ANO4: variants seen among roughly 807,000 people sequenced by gnomAD.
ANO4 encodes anoctamin-4.
ANO4 carries 69 observed loss-of-function variants against 141.9 expected under a neutral mutation model. The observed-to-expected ratio is 0.49, with a 90% CI of 0.40 to 0.59. The LOEUF is 0.59. Ranked by LOEUF, ANO4 falls within the 20% of genes least tolerant of loss-of-function variation. The pLI is 0.00. For synonymous variants in ANO4, 350 were observed against 394.3 expected (o/e 0.89, Z 1.33); for missense variants, 894 against 1,162.2 (o/e 0.77, Z 3.36).
chr12:101,058,790 C>G (rs985829734), intron 14 of ANO4, among the ~76,000 whole-genome samples: 3 of 152,116 alleles, frequency 2.0e-5, no homozygotes, highest in African/African-American at 7.2e-5. Context: ...TATAAATATA[C>G]AGTCATGTCA....
In ANO4 at chr12:101,016,232, T is replaced by C. The variant is rs567888868; in HGVS notation, c.735-3802T>C. Reference sequence around the variant, plus strand: ...GTTATATAAACCTGTACAGGAAGCATGGCACCAGAATCTGCTCCTGGTGAG... The same window carrying C: ...GTTATATAAACCTGTACAGGAAGCACGGCACCAGAATCTGCTCCTGGTGAG... On this transcript the variant is annotated intron_variant, in intron 8 of 27. Transcript: ENST00000392977. Among the ~76,000 whole-genome samples the C allele has an allele frequency of 1.4e-3, 206 of 152,180 alleles. 1 individual carries two copies. Among genetic ancestry groups the C allele is most frequent in the Non-Finnish European group, 2.7e-3 (184 of 68,010 alleles).
chr12:101,048,035 T>C, intron 13 of ANO4: 2 of 1,133,342 alleles, frequency 1.8e-6, no homozygotes, highest in Non-Finnish European at 2.2e-6. Flanking sequence ...TACACATATG[T>C]ACGTGTATAA....
chr12:100,751,599 C>T (rs1165123309), intron 3 of ANO4, among the ~76,000 whole-genome samples: 2 of 151,972 alleles, frequency 1.3e-5, no homozygotes, highest in Non-Finnish European at 2.9e-5. Flanking sequence ...TTTCCTTGTC[C>T]CAGGTCGTGT....
At chr12:101,017,856 GTGTGTGTA>G (rs1461008325) in intron 8 of ANO4, among the ~76,000 whole-genome samples, 4 of 152,214 alleles carry the variant, frequency 2.6e-5, no homozygotes, top group Non-Finnish European at 4.4e-5. Flanking sequence ...CACATGCCCT[GTGTGTGTA>G]TTCCTCTACA....
intron 3 of ANO4, among the ~76,000 whole-genome samples, chr12:100,785,776 C>T (rs61944807): frequency 6.6e-6 from 1 of 152,154 alleles, no homozygotes; most frequent in Non-Finnish European, 1.5e-5. Flanking sequence ...AGTATGATTG[C>T]TGGATCGTAA....
At chr12:100,817,501 A>G (rs2035802094) in intron 1 of ANO4, among the ~76,000 whole-genome samples, 1 of 151,920 alleles carries the variant, frequency 6.6e-6, no homozygotes, top group Non-Finnish European at 1.5e-5. Flanking sequence ...CCATTTATCT[A>G]AAAAAATAAT....
intron 1 of ANO4, among the ~76,000 whole-genome samples, chr12:100,870,802 C>T (rs147640996): frequency 0.012 from 1,811 of 152,220 alleles, 24 homozygotes; most frequent in African/African-American, 0.032. Flanking sequence ...TTTGAAGTCA[C>T]ATTAGAGTTC....
chr12:100,932,541 T>C lies in ANO4; in HGVS notation c.161-6774T>C, dbSNP rs917999290. Among the ~76,000 whole-genome samples, 11 of 152,216 alleles carry C rather than the reference T, an allele frequency of 7.2e-5. No individual in the cohort carries two copies. In the East Asian group the frequency reaches 2.1e-3, roughly 29 times the overall value. ...TCCATTTATTTGAGTCCTTGAAATATATTTGTGATCTCTTATCCATAGGGT... is the reference window on the plus strand; with the variant it reads ...TCCATTTATTTGAGTCCTTGAAATACATTTGTGATCTCTTATCCATAGGGT... On this transcript the variant is annotated intron_variant, in intron 3 of 27. Coordinates refer to ENST00000392977, the MANE Select transcript of ANO4 (RefSeq NM_001286615.2).
chr12:101,062,793 C>A (rs1175901171), intron 14 of ANO4, among the ~76,000 whole-genome samples: 2 of 152,234 alleles, frequency 1.3e-5, no homozygotes, highest in African/African-American at 4.8e-5. Flanking sequence ...GCAAGAATTT[C>A]AAGCCTGTGG....
chr12:101,095,246 A>G lies in ANO4; in HGVS notation c.1738+954A>G, dbSNP rs2049934614. 2.6e-5 allele frequency among the ~76,000 whole-genome samples: 4 copies of G among 151,988 alleles called. No homozygotes were observed. In the South Asian group the frequency reaches 8.3e-4, roughly 32 times the overall value. Reference sequence around the variant, plus strand: ...CTAGGCACTTTACCTTATCTCTTTTAATGTCATTGAAATCTTCCATCACCA... The same window carrying G: ...CTAGGCACTTTACCTTATCTCTTTTGATGTCATTGAAATCTTCCATCACCA... On this transcript the variant is annotated intron_variant, in intron 18 of 27. Transcript: ENST00000392977.
At chr12:101,099,848 A>C in intron 22 of ANO4, 128 bp downstream of exon 22, 1 of 688,028 alleles carries the variant, frequency 1.5e-6, no homozygotes, top group Non-Finnish European at 2.2e-6. Context: ...ACAGAGAGGA[A>C]GGCATGTCCT....
chr12:100,868,238 G>T (rs1179931623), intron 1 of ANO4, among the ~76,000 whole-genome samples: 1 of 152,178 alleles, frequency 6.6e-6, no homozygotes, highest in Non-Finnish European at 1.5e-5. Context: ...AGGCAGCATT[G>T]TTGGGTCCCT....
intron 9 of ANO4, among the ~76,000 whole-genome samples, chr12:101,029,235 A>C (rs1403188580): frequency 6.6e-6 from 1 of 152,168 alleles, no homozygotes; most frequent in Non-Finnish European, 1.5e-5. Flanking sequence ...ATACACCAAA[A>C]TATAAAGACC....
intron 22 of ANO4, among the ~76,000 whole-genome samples, chr12:101,104,293 CA>C (rs1286652240): frequency 1.3e-5 from 2 of 151,384 alleles, no homozygotes; most frequent in African/African-American, 4.9e-5. Context: ...CTTTTTTTCT[CA>C]GCATCTCAAG....
At chr12:100,899,800 A>AT (rs1398887814) in intron 1 of ANO4, among the ~76,000 whole-genome samples, 1 of 152,032 alleles carries the variant, frequency 6.6e-6, no homozygotes, top group South Asian at 2.1e-4. Context: ...CTTTAAAATA[A>AT]TTTTTTTTAC....
At chr12:100,871,872 T>A (rs1215187732) in intron 1 of ANO4, among the ~76,000 whole-genome samples, 1 of 152,180 alleles carries the variant, frequency 6.6e-6, no homozygotes, top group Non-Finnish European at 1.5e-5. Flanking sequence ...TACCTCCTAA[T>A]GTCATCACAT....
Position 100,901,677 on chromosome 12 carries a change from G to A in ANO4, c.-109G>A, listed in dbSNP as rs1467123945. 2.1e-6 allele frequency: 2 copies of A among 931,784 alleles called. No individual in the cohort carries two copies. The highest frequency in any genetic ancestry group is 3.6e-6 in the Non-Finnish European group (2 of 557,364). The allele number at this position is 931,784 out of a possible 1,614,324, so 57.7% of individuals were successfully genotyped here. A position where few individuals can be genotyped will look rare whatever the true frequency, so the allele number is the denominator to read the frequency against. ...GTTTATCTATTCATGGGGCTGAAAAGCGTTTGCAAATCCATCAACGGCGAA... is the reference window on the plus strand; with the variant it reads ...GTTTATCTATTCATGGGGCTGAAAAACGTTTGCAAATCCATCAACGGCGAA... On this transcript the variant is annotated 5_prime_UTR_variant, in exon 2 of 28. Coordinates refer to ENST00000392977, the MANE Select transcript of ANO4 (RefSeq NM_001286615.2).
At chr12:100,718,954 A>G (rs1158811576) in intron 1 of ANO4, among the ~76,000 whole-genome samples, 2 of 152,200 alleles carry the variant, frequency 1.3e-5, no homozygotes, top group Non-Finnish European at 2.9e-5. Context: ...ATGCTGCCCC[A>G]TGGATACTGT....
chr12:100,749,526 C>T (rs535595322), intron 3 of ANO4, among the ~76,000 whole-genome samples: 6 of 152,254 alleles, frequency 3.9e-5, no homozygotes, highest in Non-Finnish European at 5.9e-5. Context: ...TCGATTCCAG[C>T]GGAGTCCTGT....
Sources: allele counts gnomAD v4.1 joint callset (sites outside exome capture counted in the v4.1 genomes callset), GRCh38; gene constraint gnomAD v4.1.1; transcripts MANE v1.5; gene names NCBI Gene and HGNC (gene_info 2026-07-23, HGNC 2026-07-21).